The following ERBB4 variants were observed in gnomAD, a reference collection of about 807,000 sequenced individuals.
ERBB4 encodes receptor tyrosine-protein kinase erbB-4.
A neutral mutation model predicts 158.0 loss-of-function variants in ERBB4; 42 were observed. The ratio of observed to expected loss-of-function variants is 0.27; its 90% CI spans 0.21 to 0.34. The LOEUF (loss-of-function observed/expected upper bound fraction) is 0.34. ERBB4 is among the 10% of genes least tolerant of loss of function. ERBB4 has a pLI of 1.00. For synonymous variants in ERBB4, 583 were observed against 558.7 expected (o/e 1.04, Z -0.61); for missense variants, 1,333 against 1,624.1 (o/e 0.82, Z 3.08).
At chr2:212,110,732 A>T (rs2371441) in intron 2 of ERBB4, among the ~76,000 whole-genome samples, 144,236 of 152,352 alleles carry the variant, frequency 0.95, 68,464 homozygotes, top group African/African-American at 0.99. Flanking sequence ...TGTAATTACA[A>T]TCAGCAAACA....
chr2:211,823,741 G>A (rs182443697), intron 3 of ERBB4, among the ~76,000 whole-genome samples: 1 of 152,050 alleles, frequency 6.6e-6, no homozygotes, highest in Non-Finnish European at 1.5e-5. Context: ...CAATGATGGG[G>A]CTTCTATAAT....
intron 1 of ERBB4, among the ~76,000 whole-genome samples, chr2:212,163,431 T>A (rs2081260920): frequency 6.6e-6 from 1 of 152,046 alleles, no homozygotes; most frequent in African/African-American, 2.4e-5. Flanking sequence ...CCTAGAGCCA[T>A]TTGCTGGTGT....
intron 16 of ERBB4, among the ~76,000 whole-genome samples, chr2:211,631,649 G>C (rs1049168722): frequency 2.0e-5 from 3 of 152,034 alleles, no homozygotes; most frequent in African/African-American, 7.2e-5. Context: ...TTTTTAACTT[G>C]TTCTAGAGTA....
chr2:211,883,797 T>TA (rs985350926), intron 3 of ERBB4, among the ~76,000 whole-genome samples: 1 of 151,768 alleles, frequency 6.6e-6, no homozygotes, highest in African/African-American at 2.4e-5. Context: ...GTCTCGAAAA[T>TA]AAAAAATAAA....
chr2:211,824,737 C>A (rs7604677), intron 3 of ERBB4, among the ~76,000 whole-genome samples: 127,310 of 151,826 alleles, frequency 0.84, 53,496 homozygotes, highest in Non-Finnish European at 0.86. Context: ...TTAAAAAGAC[C>A]GAAAATAATT....
At chr2:212,395,237 A>AT (rs2090991094) in intron 1 of ERBB4, among the ~76,000 whole-genome samples, 1 of 151,970 alleles carries the variant, frequency 6.6e-6, no homozygotes, top group African/African-American at 2.4e-5. Flanking sequence ...ATTATTCTTA[A>AT]TTTTTTATCA....
chr2:211,669,612 A>G (rs2105930024), intron 14 of ERBB4, among the ~76,000 whole-genome samples: 1 of 152,334 alleles, frequency 6.6e-6, no homozygotes, highest in East Asian at 1.9e-4. Flanking sequence ...CCAAGTGTGG[A>G]CAGACAAGGA....
At chr2:212,330,105 G>C (rs918704922) in intron 1 of ERBB4, among the ~76,000 whole-genome samples, 4 of 152,042 alleles carry the variant, frequency 2.6e-5, no homozygotes, top group African/African-American at 9.7e-5. Flanking sequence ...GGAGAAAAGA[G>C]GGAGTTTAAG....
chr2:211,892,922 A>C (rs2079006016), intron 3 of ERBB4, among the ~76,000 whole-genome samples: 1 of 144,710 alleles, frequency 6.9e-6, no homozygotes, highest in African/African-American at 2.7e-5. Flanking sequence ...GATACAAACA[A>C]ATGGAAGAAC....
intron 1 of ERBB4, among the ~76,000 whole-genome samples, chr2:212,282,338 A>T (rs1350723923): frequency 6.6e-6 from 1 of 151,922 alleles, no homozygotes; most frequent in East Asian, 1.9e-4. Context: ...CAAGTCTCTG[A>T]GTTGTTCATT....
chr2:211,753,290 A>C (rs940341761), intron 4 of ERBB4, among the ~76,000 whole-genome samples: 39 of 151,654 alleles, frequency 2.6e-4, no homozygotes, highest in African/African-American at 8.7e-4. Context: ...AAAAAAAAAA[A>C]CAAAATTTCC....
At chr2:211,657,701 A>G in intron 16 of ERBB4, 53 bp downstream of exon 16, 1 of 1,366,396 alleles carries the variant, frequency 7.3e-7, no homozygotes, top group Non-Finnish European at 1.0e-6. Context: ...CTTTTTGTTC[A>G]TGATAACTAG....
chr2:212,016,348 A>C (rs904087861), intron 2 of ERBB4, among the ~76,000 whole-genome samples: 11 of 152,262 alleles, frequency 7.2e-5, no homozygotes, highest in African/African-American at 2.6e-4. Flanking sequence ...CTATGAAAAA[A>C]GACGAATTAT....
intron 2 of ERBB4, among the ~76,000 whole-genome samples, chr2:211,959,277 C>A (rs918387071): frequency 6.6e-6 from 1 of 152,024 alleles, no homozygotes; most frequent in Non-Finnish European, 1.5e-5. Flanking sequence ...TGGTTACTTC[C>A]TTTATCATCT....
intron 16 of ERBB4, among the ~76,000 whole-genome samples, chr2:211,631,388 C>T (rs1195377293): frequency 6.6e-6 from 1 of 152,102 alleles, no homozygotes; most frequent in African/African-American, 2.4e-5. Flanking sequence ...TTGGTTCAGA[C>T]ATGTTTTCAG....
At position 211,893,397 on chromosome 2, in the gene ERBB4, A is replaced by T. The variant is rs2079019125; in HGVS notation, c.421+54033T>A. ...ACTGGATCCCTTCCTTACACTTTATACAAAAATCAATTCAAGATGGATTAA... is the reference window on the plus strand; with the variant it reads ...ACTGGATCCCTTCCTTACACTTTATTCAAAAATCAATTCAAGATGGATTAA... On this transcript the variant is annotated intron_variant, in intron 3 of 27. Coordinates refer to ENST00000342788, the MANE Select transcript of ERBB4 (RefSeq NM_005235.3). Among the ~76,000 whole-genome samples, 2 of 142,518 alleles carry T rather than the reference A, an allele frequency of 1.4e-5. 1 individual carries two copies. The highest frequency in any genetic ancestry group is 3.0e-5 in the Non-Finnish European group (2 of 65,858). The allele number at this position is 142,518 out of a possible 152,430, so 93.5% of individuals were successfully genotyped here.
chr2:212,447,591 A>G (rs2092380713), intron 1 of ERBB4, among the ~76,000 whole-genome samples: 1 of 152,150 alleles, frequency 6.6e-6, no homozygotes, highest in Non-Finnish European at 1.5e-5. Flanking sequence ...TCTGTATTCA[A>G]TTAATCCAGT....
intron 3 of ERBB4, among the ~76,000 whole-genome samples, chr2:211,815,516 T>G (rs1363326990): frequency 1.3e-5 from 2 of 152,126 alleles, no homozygotes; most frequent in Non-Finnish European, 2.9e-5. Context: ...AAAAGGAGAT[T>G]TTTTTTCCCC....
At chr2:212,400,149 G>C (rs12104709) in intron 1 of ERBB4, among the ~76,000 whole-genome samples, 30,695 of 152,076 alleles carry the variant, frequency 0.2, 4,169 homozygotes, top group African/African-American at 0.39. Flanking sequence ...CTGTGCCAGA[G>C]TTTGGACTTT....
Sources: gnomAD v4.1 joint callset for allele counts (sites outside exome capture counted in the v4.1 genomes callset) on GRCh38, gnomAD v4.1.1 for gene constraint, MANE v1.5 for transcripts, NCBI Gene and HGNC (gene_info 2026-07-23, HGNC 2026-07-21) for gene names.